NOX4: variants seen among roughly 807,000 people sequenced by gnomAD.
NOX4 encodes NADPH oxidase 4.
In NOX4, 69 loss-of-function variants were observed where a neutral mutation model predicts 87.6. The observed-to-expected ratio is 0.79, with a 90% confidence interval of 0.65 to 0.96. The LOEUF (loss-of-function observed/expected upper bound fraction) is 0.96. Ranked by LOEUF, NOX4 falls within the 40% of genes least tolerant of loss-of-function variation. The probability of loss-of-function intolerance (pLI) is 0.00; values close to 1 mark genes in which losing one functional copy is unlikely to be tolerated. For missense variants in NOX4, 680 were observed against 681.5 expected, an observed-to-expected ratio of 1.00 and a Z score of 0.02; for synonymous variants, 275 against 238.2, an observed-to-expected ratio of 1.15 and a Z score of -1.42.
chr11:89,477,171 T>C (rs1946200027), intron 2 of NOX4, among the ~76,000 whole-genome samples: 1 of 152,178 alleles, frequency 6.6e-6, no homozygotes, highest in South Asian at 2.1e-4. Flanking sequence ...CTCACCACAA[T>C]GGAGAATCAG....
chr11:89,454,636 G>T (rs1172920170), intron 2 of NOX4, among the ~76,000 whole-genome samples: 1 of 151,994 alleles, frequency 6.6e-6, no homozygotes, highest in Non-Finnish European at 1.5e-5. Flanking sequence ...TTTAAAAATA[G>T]CATTTTTATA....
chr11:89,360,608 C>T (rs1938447561), intron 12 of NOX4, among the ~76,000 whole-genome samples: 1 of 152,064 alleles, frequency 6.6e-6, no homozygotes, highest in African/African-American at 2.4e-5. Flanking sequence ...CTTTTCTGAA[C>T]TCACAACTGA....
At chr11:89,449,622 T>C (rs1944864761) in intron 3 of NOX4, 98 bp from the exon 4 acceptor site, 2 of 871,996 alleles carry the variant, frequency 2.3e-6, no homozygotes, top group South Asian at 3.6e-5. Context: ...TTTTAAAATA[T>C]GGCGGAAGCC....
intron 2 of NOX4, among the ~76,000 whole-genome samples, chr11:89,460,577 T>A (rs1166435886): frequency 1.3e-5 from 2 of 152,152 alleles, no homozygotes; most frequent in Non-Finnish European, 2.9e-5. Flanking sequence ...TCACTGGCCA[T>A]CAGAGAAATG....
At chr11:89,426,836 G>C (rs1943446858) in intron 7 of NOX4, among the ~76,000 whole-genome samples, 1 of 152,168 alleles carries the variant, frequency 6.6e-6, no homozygotes, top group Admixed American at 6.5e-5. Context: ...AACCTCTGCA[G>C]ACTTAAATAT....
chr11:89,494,675 G>C (rs138443762), upstream of NOX4, among the ~76,000 whole-genome samples: 316 of 152,314 alleles, frequency 2.1e-3, no homozygotes, highest in African/African-American at 7.1e-3. Context: ...TATAAAAATA[G>C]TTTCTGCTCA....
chr11:89,535,518 G>A, the NOX4 span, among the ~76,000 whole-genome samples: 1 of 152,144 alleles, frequency 6.6e-6, no homozygotes, highest in Non-Finnish European at 1.5e-5. Context: ...AGATGTTGTA[G>A]CAAAACTCTG....
At chr11:89,449,362 C>A in intron 4 of NOX4, 78 bp downstream of exon 4, 1 of 1,072,178 alleles carries the variant, frequency 9.3e-7, no homozygotes, top group East Asian at 2.6e-5. Context: ...TTTCTCTGAT[C>A]ATTCTGTGTA....
intron 11 of NOX4, among the ~76,000 whole-genome samples, chr11:89,387,178 A>G (rs184241070): frequency 6.6e-6 from 1 of 152,244 alleles, no homozygotes; most frequent in East Asian, 1.9e-4. Context: ...TCTTATTAAT[A>G]TAAGAAGACA....
chr11:89,530,219 C>T, the NOX4 span, among the ~76,000 whole-genome samples: 59,099 of 150,218 alleles, frequency 0.39, 12,118 homozygotes, highest in African/African-American at 0.5. Flanking sequence ...GCTGTAAGTA[C>T]TGTCAACATA....
At chr11:89,588,380 T>C in the NOX4 span, among the ~76,000 whole-genome samples, 10 of 152,214 alleles carry the variant, frequency 6.6e-5, no homozygotes, top group African/African-American at 2.4e-4. Context: ...CATCGAGAAA[T>C]ACATTCCAGA....
At chr11:89,495,640 C>T (rs912449116), upstream of NOX4, among the ~76,000 whole-genome samples, 2 of 152,064 alleles carry the variant, frequency 1.3e-5, no homozygotes, top group African/African-American at 2.4e-5. Flanking sequence ...CCTAATTAAC[C>T]TAGATCATAT....
the NOX4 span, among the ~76,000 whole-genome samples, chr11:89,561,019 T>C: frequency 9.8e-5 from 10 of 102,244 alleles, no homozygotes; most frequent in East Asian, 2.9e-4. Context: ...TATATATATA[T>C]ACATACACAC....
At chr11:89,490,617 G>C in intron 1 of NOX4, 64 bp from the exon 2 acceptor site, 1 of 1,138,486 alleles carries the variant, frequency 8.8e-7, no homozygotes, top group Non-Finnish European at 1.3e-6. Context: ...CTGATGAATA[G>C]AAACCACAGG....
chr11:89,415,515 C>T lies in NOX4; in HGVS notation c.629+6387G>A, dbSNP rs150738896. 1.1e-4 allele frequency among the ~76,000 whole-genome samples: 17 copies of T among 152,226 alleles called. No homozygotes were observed. The East Asian group carries it at 2.7e-3, about 24-fold the overall frequency. On this transcript the variant is annotated intron_variant, in intron 8 of 17. Transcript: ENST00000263317. ...ATATTTTTTGAAACGTTTTTGACCA[C>T]ACAAACTTTACGGTATCTAATGAAA...
rs564088180 is a variant in NOX4, at chr11:89,458,365, T to G, written c.154-6470A>C. Among the ~76,000 whole-genome samples, 7 of 152,238 alleles carry G rather than the reference T, an allele frequency of 4.6e-5. No homozygotes were observed. In the South Asian group the frequency reaches 1.2e-3, roughly 27 times the overall value. On this transcript the variant is annotated intron_variant, in intron 2 of 17. Transcript: ENST00000263317. The stretch of plus-strand genomic sequence containing the variant: ...CTAAAACTACAAAAAGCCTGGAAGA[T>G]AACCTGGTAAAAATACCATTCAGGA...
At chr11:89,450,722 C>G (rs1005880894) in intron 3 of NOX4, among the ~76,000 whole-genome samples, 3 of 138,680 alleles carry the variant, frequency 2.2e-5, no homozygotes, top group East Asian at 4.6e-4. Context: ...TCCCTCCCCC[C>G]TCCCCCTGAC....
At chr11:89,582,013 A>G in the NOX4 span, among the ~76,000 whole-genome samples, 7 of 152,022 alleles carry the variant, frequency 4.6e-5, no homozygotes, top group Non-Finnish European at 1.0e-4. Flanking sequence ...CCCTTTGACC[A>G]ATACTTCCCC....
the NOX4 span, among the ~76,000 whole-genome samples, chr11:89,569,368 A>G: frequency 8.9e-3 from 1,359 of 152,256 alleles, 16 homozygotes; most frequent in African/African-American, 0.026. Flanking sequence ...AACAAAACCA[A>G]AATAACCCTA....
Sources: allele counts gnomAD v4.1 joint callset (sites outside exome capture counted in the v4.1 genomes callset), GRCh38; gene constraint gnomAD v4.1.1; transcripts MANE v1.5; gene names NCBI Gene and HGNC (gene_info 2026-07-23, HGNC 2026-07-21).